The following MACF1 variants were observed in gnomAD, a reference collection of about 807,000 sequenced individuals.
MACF1 encodes microtubule actin crosslinking factor 1.
MACF1 carries 193 observed loss-of-function variants against 854.8 expected under a neutral mutation model. The ratio of observed to expected loss-of-function variants is 0.23; its 90% CI spans 0.20 to 0.25. MACF1 has a LOEUF of 0.25. Ranked by LOEUF, MACF1 falls within the 10% of genes least tolerant of loss-of-function variation. MACF1 has a pLI of 1.00. For missense variants in MACF1, 7,722 were observed against 8,929.1 expected (o/e 0.86, Z 5.45); for synonymous variants, 3,185 against 3,226.7 (o/e 0.99, Z 0.44).
intron 1 of MACF1, among the ~76,000 whole-genome samples, chr1:39,219,844 G>A (rs374435670): frequency 2.6e-5 from 4 of 152,164 alleles, no homozygotes; most frequent in African/African-American, 7.2e-5. Context: ...TCTGCCGCCC[G>A]GGTCCAAGCA....
chr1:39,203,717 CTTT>C (rs57249417), upstream of MACF1, among the ~76,000 whole-genome samples: 1 of 151,992 alleles, frequency 6.6e-6, no homozygotes, highest in Non-Finnish European at 1.5e-5. Flanking sequence ...TTGTGTTTGG[CTTT>C]TTTTATGTAG....
Position 39,460,337 on chromosome 1 carries a change from A to C in MACF1, c.21361-295A>C, listed in dbSNP as rs1644530258. On this transcript the variant is annotated intron_variant, in intron 91 of 100. Transcript: ENST00000564288. The surrounding 1 kb of genome is among the most constrained non-coding windows in gnomAD (Gnocchi z 4.1). ...AAGAGAGTGATCCTTTGAAAAGCCCAAAGGGAAAGCAAGGCTGGCTTCACC... is the reference window on the plus strand; with the variant it reads ...AAGAGAGTGATCCTTTGAAAAGCCCCAAGGGAAAGCAAGGCTGGCTTCACC... Among the ~76,000 whole-genome samples, 2 of 152,228 alleles carry C rather than the reference A, an allele frequency of 1.3e-5. No homozygotes were observed. Among genetic ancestry groups the C allele is most frequent in the African/African-American group, 4.8e-5 (2 of 41,458 alleles).
Position 39,105,783 on chromosome 1 carries a change from C to A in MACF1, c.220+21345C>A. ...GCGCAGCGTGGCCTTCGGAGCCGGT[C>A]GGCTCGGCGGCTGCAGGTGGGGCGG... is the stretch of plus-strand genomic sequence containing the variant. On this transcript the variant is annotated intron_variant, in intron 2 of 93. Transcript: ENST00000361689. This position sits in a 1 kb window ranked among gnomAD's most constrained non-coding sequence, Gnocchi z 5.9. 2.0e-6 allele frequency: 2 copies of A among 1,014,632 alleles called. No individual in the cohort carries two copies. Among genetic ancestry groups the A allele is most frequent in the Non-Finnish European group, 2.4e-6 (2 of 848,228 alleles). The allele number at this position is 1,014,632 out of a possible 1,614,324, so 62.9% of individuals were successfully genotyped here. A position where few individuals can be genotyped will look rare whatever the true frequency, so the allele number is the denominator to read the frequency against.
At chr1:39,268,590 T>C in intron 6 of MACF1, 1 of 1,182,730 alleles carries the variant, frequency 8.5e-7, no homozygotes, top group Non-Finnish European at 1.1e-6. Context: ...GCCGGCATAG[T>C]GCATGTTTTT....
At chr1:39,145,809 A>G (rs990159115) in intron 2 of MACF1, among the ~76,000 whole-genome samples, 4 of 151,964 alleles carry the variant, frequency 2.6e-5, no homozygotes, top group Non-Finnish European at 5.9e-5. Flanking sequence ...TACAGTGATG[A>G]CTCTCTTGTC....
At position 39,379,458 on chromosome 1, in the gene MACF1, A is replaced by G. The variant is rs189186243; in HGVS notation, c.13518+14A>G. On this transcript the variant is annotated intron_variant, in intron 54 of 100. Transcript: ENST00000564288. ...GAATCTAACAAGGTACTGTGTTTAC[A>G]TTAGTTGCCTCCCAACACCAAGAGG... is the stretch of plus-strand genomic sequence containing the variant. 1.6e-5 allele frequency: 26 copies of G among 1,602,600 alleles called. No individual in the cohort carries two copies. The South Asian group carries it at 2.0e-4, about 12-fold the overall frequency.
Position 39,316,385 on chromosome 1 carries a change from C to A in MACF1, c.3450-6C>A. 1 of 1,600,680 alleles carries A rather than the reference C, an allele frequency of 6.2e-7. No individual in the cohort carries two copies. The highest frequency in any genetic ancestry group is 8.5e-7 in the Non-Finnish European group (1 of 1,171,950). ...TTAATGAAGGAATGTGTATTTGTCC[C>A]CACAGGTTAAAGACAGTTGATGTTA... On this transcript the variant is annotated splice_polypyrimidine_tract_variant and splice_region_variant and intron_variant, in intron 27 of 100. Transcript: ENST00000564288.
In MACF1 at chr1:39,486,232, G is replaced by A. The variant is rs1250728724; in HGVS notation, c.*438G>A. The A allele has an allele frequency of 1.3e-5, 2 of 152,942 alleles. No individual in the cohort carries two copies. The highest frequency in any genetic ancestry group is 2.9e-5 in the Non-Finnish European group (2 of 68,290). 9.5% of individuals were successfully genotyped at this position (152,942 alleles called of 1,614,324 possible). A position where few individuals can be genotyped will look rare whatever the true frequency, so the allele number is the denominator to read the frequency against. On this transcript the variant is annotated 3_prime_UTR_variant, in exon 101 of 101. Transcript: ENST00000564288. ...AAATAAGAATCCTGCAGTGTTTAAG[G>A]AACTCTTTTTTTGTAAATCACGGAC...
intron 23 of MACF1, among the ~76,000 whole-genome samples, chr1:39,305,762 T>C (rs1205407944): frequency 6.6e-6 from 1 of 152,156 alleles, no homozygotes; most frequent in Non-Finnish European, 1.5e-5. Flanking sequence ...GTCACTCTGG[T>C]CTTTCCTCTG....
At chr1:39,446,908 C>A (rs1482667650) in intron 80 of MACF1, among the ~76,000 whole-genome samples, 1 of 152,166 alleles carries the variant, frequency 6.6e-6, no homozygotes, top group Admixed American at 6.5e-5. Context: ...ACCTCTTCTT[C>A]TTATAGCATA....
In MACF1 at chr1:39,430,894, C is replaced by A; in HGVS notation, c.17323C>A (p.Gln5775Lys). The A allele has an allele frequency of 6.2e-7, 1 of 1,612,084 alleles. No individual in the cohort carries two copies. The highest frequency in any genetic ancestry group is 8.5e-7 in the Non-Finnish European group (1 of 1,179,790). The change falls in exon 66 of 101, where the codon CAG becomes AAG. Residue 5775 changes from glutamine to lysine, a missense_variant. Gln to Lys is a moderately conservative substitution (Grantham distance 53). Around this residue, in one of 15 missense-constraint regions of MACF1, gnomAD observed 2,807 missense variants for 3,235.8 expected, o/e 0.87. Transcript: ENST00000564288. The part of the protein sequence containing the change: ...QRVDEIDAAI[Q>K]RSQQYEQAAD... ...GGTGGATGAAATTGATGCTGCTATT[C>A]AGAGATCACAACAGGTAATGCTTAT...
intron 85 of MACF1, 88 bp from the exon 86 acceptor site, chr1:39,452,068 A>G: frequency 2.5e-6 from 3 of 1,189,330 alleles, no homozygotes; most frequent in Non-Finnish European, 3.6e-6. Context: ...ACATGATTAG[A>G]ACCTACCAAG....
At chr1:39,404,912 C>CT (rs1340989840) in intron 58 of MACF1, among the ~76,000 whole-genome samples, 1 of 152,138 alleles carries the variant, frequency 6.6e-6, no homozygotes, top group Non-Finnish European at 1.5e-5. Flanking sequence ...CTGATACCTC[C>CT]TGCCTTCCTT....
intron 58 of MACF1, among the ~76,000 whole-genome samples, chr1:39,400,049 T>A (rs1473351726): frequency 6.6e-6 from 1 of 152,228 alleles, no homozygotes; most frequent in African/African-American, 2.4e-5. Context: ...CTGGGCTTCC[T>A]TCCTTCTCTG....
In MACF1 at chr1:39,237,499, A is replaced by G. The variant is rs538094072; in HGVS notation, c.171+6256A>G. On this transcript the variant is annotated intron_variant, in intron 2 of 100. Transcript: ENST00000564288. ...ATTTCAATAGTGTTATAGCGTATGA[A>G]GCACATTCTTATCTGTCTTAATCCT... 2.0e-5 allele frequency among the ~76,000 whole-genome samples: 3 copies of G among 152,362 alleles called. No individual in the cohort carries two copies. In the East Asian group the frequency reaches 5.8e-4, roughly 29 times the overall value.
chr1:39,471,782 AT>A (rs955227377), intron 97 of MACF1, among the ~76,000 whole-genome samples: 4 of 152,112 alleles, frequency 2.6e-5, no homozygotes, highest in African/African-American at 9.7e-5. Context: ...AGGAAATTTC[AT>A]TTATGAAGAT....
rs79169043 is a variant in MACF1 at position 39,418,435 on chromosome 1, A to G, written c.15817-3939A>G. Reference sequence around the variant, plus strand: ...AAATTGATGGAATTGCCTAGGAAGAATATAGAAAGAGAAGAGAGTCCAGGA... The same window carrying G: ...AAATTGATGGAATTGCCTAGGAAGAGTATAGAAAGAGAAGAGAGTCCAGGA... On this transcript the variant is annotated intron_variant, in intron 58 of 100. Transcript: ENST00000564288. Among the ~76,000 whole-genome samples, 364 of 152,386 alleles carry G rather than the reference A, an allele frequency of 2.4e-3. 3 individuals are homozygous for G. Among genetic ancestry groups the G allele is most frequent in the African/African-American group, 5.7e-3 (239 of 41,596 alleles).
At position 39,287,341 on chromosome 1, in the gene MACF1, T is replaced by C; in HGVS notation, c.1564T>C (p.Tyr522His). Residue 522 changes from tyrosine to histidine, a missense_variant, in exon 15 of 101, where the codon TAC becomes CAC. Physicochemically the swap from Tyr to His is moderately conservative, Grantham distance 83 (BLOSUM62 2). Transcript: ENST00000564288. ...VTLRLECTNL[Y>H]RKGHFTSLEL... The stretch of plus-strand genomic sequence containing the variant: ...CTTGCGTCTAGAGTGTACAAACCTG[T>C]ACCGGAAGGGTCATTTCACTTCACT... 6.2e-7 allele frequency: 1 copy of C among 1,614,204 alleles called. No homozygotes were observed. The highest frequency in any genetic ancestry group is 8.5e-7 in the Non-Finnish European group (1 of 1,180,022).
chr1:39,094,262 T>C (rs2148124104), intron 2 of MACF1, among the ~76,000 whole-genome samples: 1 of 151,946 alleles, frequency 6.6e-6, no homozygotes, highest in East Asian at 1.9e-4. Context: ...CTGGATAATA[T>C]AGTGAGACCC....
Sources: gnomAD v4.1 joint callset for allele counts (sites outside exome capture counted in the v4.1 genomes callset) on GRCh38, gnomAD v4.1.1 for gene constraint, gnomAD v4.1.1 regional missense constraint, Gnocchi (gnomAD v3.1) non-coding constraint, MANE v1.5 for transcripts, NCBI Gene and HGNC (gene_info 2026-07-23, HGNC 2026-07-21) for gene names.